The following IFIT2 variants were observed in gnomAD, a reference collection of about 807,000 sequenced individuals.
IFIT2 encodes the protein interferon induced protein with tetratricopeptide repeats 2, also known as interferon-induced protein with tetratricopeptide repeats 2.
A neutral mutation model predicts 2.5 loss-of-function variants in IFIT2; 3 were observed. That is an observed-to-expected ratio of 1.21 (90% CI 0.55 to 3.14). IFIT2 has a LOEUF of 3.14. IFIT2 is among the 30% of genes most tolerant of loss of function. IFIT2 has a pLI of 0.03. For missense variants in IFIT2, 493 were observed against 558.9 expected, an observed-to-expected ratio of 0.88 and a Z score of 1.19; for synonymous variants, 212 against 200.7, an observed-to-expected ratio of 1.06 and a Z score of -0.48.
chr10:89,305,498 T>G (rs1275254228), intron 1 of IFIT2, among the ~76,000 whole-genome samples: 1 of 152,058 alleles, frequency 6.6e-6, no homozygotes, highest in African/African-American at 2.4e-5. Context: ...GATGAGAAAT[T>G]AAAATCACCA....
In IFIT2 at chr10:89,306,282, G is replaced by A. The variant is rs770584027; in HGVS notation, c.326G>A (p.Arg109Gln). 19 of 1,613,966 alleles carry A rather than the reference G, an allele frequency of 1.2e-5. No individual in the cohort carries two copies. Among genetic ancestry groups the A allele is most frequent in the East Asian group, 1.1e-4 (5 of 44,890 alleles). The change falls in exon 2 of 2, where the codon CGA becomes CAA. Residue 109 changes from arginine to glutamine, a missense_variant. Physicochemically the swap from Arg to Gln is conservative, Grantham distance 43. Coordinates refer to ENST00000371826, the MANE Select transcript of IFIT2 (RefSeq NM_001547.5). ...GCCTGGGTCTACTATCACATGGGCC[G>A]ACTCTCAGACGTTCAGATTTATGTA... ...NYAWVYYHMGRLSDVQIYVDK... is the reference protein window; with the variant it reads ...NYAWVYYHMGQLSDVQIYVDK...
Position 89,306,389 on chromosome 10 carries a change from A to G in IFIT2, c.433A>G (p.Thr145Ala), listed in dbSNP as rs140575157. 8 of 1,614,164 alleles carry G rather than the reference A, an allele frequency of 5.0e-6. No individual in the cohort carries two copies. Among genetic ancestry groups the G allele is most frequent in the Non-Finnish European group, 6.8e-6 (8 of 1,180,022 alleles). The change falls in exon 2 of 2, where the codon ACA becomes GCA. Residue 145 changes from threonine to alanine, a missense_variant. Physicochemically the swap from Thr to Ala is moderately conservative, Grantham distance 58 (BLOSUM62 0). Transcript: ENST00000371826. ...SPELDCEEGW[T>A]RLKCGGNQNE... Reference sequence around the variant, plus strand: ...AGAGCTTGACTGTGAGGAAGGGTGGACACGGTTAAAGTGTGGAGGAAACCA... The same window carrying G: ...AGAGCTTGACTGTGAGGAAGGGTGGGCACGGTTAAAGTGTGGAGGAAACCA...
intron 1 of IFIT2, among the ~76,000 whole-genome samples, chr10:89,305,630 T>A (rs1299814769): frequency 6.6e-6 from 1 of 152,010 alleles, no homozygotes; most frequent in Non-Finnish European, 1.5e-5. Flanking sequence ...TAAAACTACA[T>A]AAATAAAACC....
rs1440366816 is a variant in IFIT2, at chr10:89,306,007, A to G, written c.51A>G (p.Lys17=). The G allele has an allele frequency of 2.5e-6, 4 of 1,613,952 alleles. No homozygotes were observed. Among genetic ancestry groups the G allele is most frequent in the Non-Finnish European group, 3.4e-6 (4 of 1,179,844 alleles). ...NSLESSLRQL[K]CHFTWNLMEG... ...TGGAGAGCAGCCTACGGCAACTAAA[A>G]TGCCATTTCACCTGGAACTTGATGG... Residue 17 remains lysine, a synonymous_variant, in exon 2 of 2, where the codon AAA becomes AAG. Coordinates refer to ENST00000371826, the MANE Select transcript of IFIT2 (RefSeq NM_001547.5).
At chr10:89,303,092 T>C (rs930549843) in intron 1 of IFIT2, among the ~76,000 whole-genome samples, 5 of 152,238 alleles carry the variant, frequency 3.3e-5, no homozygotes, top group Admixed American at 2.6e-4. Context: ...TTTTCTTATT[T>C]CTTAGAATTT....
Position 89,306,915 on chromosome 10 carries a change from T to C in IFIT2, c.959T>C (p.Val320Ala). Residue 320 changes from valine (V) to alanine (A), a missense_variant, in exon 2 of 2, where the codon GTG (valine) becomes GCG (alanine). Physicochemically the swap from Val to Ala is moderately conservative, Grantham distance 64. Coordinates refer to ENST00000371826, the MANE Select transcript of IFIT2 (RefSeq NM_001547.5). Reference protein sequence around the residue: ...RKLLELIGHAVAHLKKADEAN... With the variant: ...RKLLELIGHAAAHLKKADEAN... ...TTACTGGAACTAATAGGACACGCTGTGGCTCATCTGAAGAAAGCTGATGAG... is the reference window on the plus strand; with the variant it reads ...TTACTGGAACTAATAGGACACGCTGCGGCTCATCTGAAGAAAGCTGATGAG... The C allele has an allele frequency of 6.2e-7, 1 of 1,614,078 alleles. No homozygotes were observed. Among genetic ancestry groups the C allele is most frequent in the Non-Finnish European group, 8.5e-7 (1 of 1,179,972 alleles).
At position 89,307,344 on chromosome 10, in the gene IFIT2, T is replaced by C; in HGVS notation, c.1388T>C (p.Ile463Thr). Residue 463 changes from isoleucine to threonine, a missense_variant, in exon 2 of 2, where the codon ATC becomes ACC. Transcript: ENST00000371826. ...SERGLESGSL[I>T]PSASSWNGE ...AGGGGTTTGGAGTCTGGAAGCCTCA[T>C]CCCTTCAGCATCAAGCTGGAATGGG... 2.5e-6 allele frequency: 4 copies of C among 1,608,400 alleles called. No homozygotes were observed. Among genetic ancestry groups the C allele is most frequent in the Non-Finnish European group, 3.4e-6 (4 of 1,175,594 alleles).
chr10:89,304,338 T>C (rs763399994), intron 1 of IFIT2, among the ~76,000 whole-genome samples: 1 of 152,082 alleles, frequency 6.6e-6, no homozygotes, highest in Non-Finnish European at 1.5e-5. Flanking sequence ...GTTGAAAAGC[T>C]CATGTCCAAA....
chr10:89,302,405 G>A (rs1402161317), intron 1 of IFIT2, among the ~76,000 whole-genome samples: 1 of 152,198 alleles, frequency 6.6e-6, no homozygotes, highest in Non-Finnish European at 1.5e-5. Flanking sequence ...AGGCAGCAGA[G>A]AGGGATGATG....
In IFIT2 at chr10:89,306,136, A is replaced by T; in HGVS notation, c.180A>T (p.Leu60=). The change falls in exon 2 of 2, where the codon CTA becomes CTT. Residue 60 remains leucine, a synonymous_variant. Coordinates refer to ENST00000371826, the MANE Select transcript of IFIT2 (RefSeq NM_001547.5). ...KATMCNLLAY[L]KHLKGQNEAA... ...CAATGTGCAACCTACTGGCCTATCT[A>T]AAGCACCTCAAAGGGCAAAACGAGG... is the stretch of plus-strand genomic sequence containing the variant. 6.2e-7 allele frequency: 1 copy of T among 1,614,116 alleles called. No homozygotes were observed. The highest frequency in any genetic ancestry group is 8.5e-7 in the Non-Finnish European group (1 of 1,179,986).
At chr10:89,304,231 G>C (rs771692684) in intron 1 of IFIT2, among the ~76,000 whole-genome samples, 16 of 152,224 alleles carry the variant, frequency 1.1e-4, no homozygotes, top group Admixed American at 2.0e-4. Context: ...CAAAGAGCCA[G>C]GTTGTCTAAG....
intron 1 of IFIT2, among the ~76,000 whole-genome samples, chr10:89,304,579 G>A (rs1843466223): frequency 6.6e-6 from 1 of 152,056 alleles, no homozygotes; most frequent in African/African-American, 2.4e-5. Context: ...CCTGATACAA[G>A]GGTTGCTGTA....
chr10:89,303,009 C>CAA lies in IFIT2; in HGVS notation c.5+895_5+896dup, dbSNP rs11420925. 2.1e-3 allele frequency among the ~76,000 whole-genome samples: 283 copies of CAA among 132,220 alleles called. 1 individual carries two copies. Among genetic ancestry groups the CAA allele is most frequent in the Middle Eastern group, 0.012 (3 of 260 alleles). The allele number at this position is 132,220 out of a possible 152,430, so 86.7% of individuals were successfully genotyped here. ...CTAGTCTAAATGTTCTGCCTGATTT[C>CAA]AAAAAAAAAAAAAAAGATTTGAGAT... is the stretch of plus-strand genomic sequence containing the variant. On this transcript the variant is annotated intron_variant, in intron 1 of 1. Coordinates refer to ENST00000371826, the MANE Select transcript of IFIT2 (RefSeq NM_001547.5).
intron 1 of IFIT2, among the ~76,000 whole-genome samples, chr10:89,303,394 G>A (rs1843458414): frequency 6.6e-6 from 1 of 152,188 alleles, no homozygotes; most frequent in African/African-American, 2.4e-5. Flanking sequence ...CATTAGTTCT[G>A]AGCCTGGTTG....
rs1255823862 is a variant in IFIT2 at position 89,308,709 on chromosome 10, T to C, written c.*1334T>C. On this transcript the variant is annotated 3_prime_UTR_variant, in exon 2 of 2. Coordinates refer to ENST00000371826, the MANE Select transcript of IFIT2 (RefSeq NM_001547.5). ...CTGTTGGAATTAATTTAAGCTTAAGTATATATCAACATTATTTTATTGTGC... is the reference window on the plus strand; with the variant it reads ...CTGTTGGAATTAATTTAAGCTTAAGCATATATCAACATTATTTTATTGTGC... The C allele has an allele frequency of 1.3e-5, 2 of 152,206 alleles. No individual in the cohort carries two copies. The highest frequency in any genetic ancestry group is 4.8e-5 in the African/African-American group (2 of 41,444). 9.4% of individuals were successfully genotyped at this position (152,206 alleles called of 1,614,324 possible).
chr10:89,306,495 T>A lies in IFIT2; in HGVS notation c.539T>A (p.Ile180Lys). The A allele has an allele frequency of 1.2e-6, 2 of 1,614,056 alleles. No homozygotes were observed. Among genetic ancestry groups the A allele is most frequent in the Non-Finnish European group, 1.7e-6 (2 of 1,179,988 alleles). ...CCAGAATTCACCTCTGGACTGGCAA[T>A]AGCAAGCTACCGTCTGGACAACTGG... ...KNPEFTSGLA[I>K]ASYRLDNWPP... Residue 180 changes from isoleucine (I) to lysine (K), a missense_variant, in exon 2 of 2, where the codon ATA (isoleucine) becomes AAA (lysine). Coordinates refer to ENST00000371826, the MANE Select transcript of IFIT2 (RefSeq NM_001547.5).
Position 89,307,495 on chromosome 10 carries a change from C to A in IFIT2, c.*120C>A. The A allele has an allele frequency of 1.3e-6, 1 of 791,910 alleles. No homozygotes were observed. The highest frequency in any genetic ancestry group is 2.0e-6 in the Non-Finnish European group (1 of 500,412). 49.1% of individuals were successfully genotyped at this position (791,910 alleles called of 1,614,324 possible). A position where few individuals can be genotyped will look rare whatever the true frequency, so the allele number is the denominator to read the frequency against. On this transcript the variant is annotated 3_prime_UTR_variant, in exon 2 of 2. Coordinates refer to ENST00000371826, the MANE Select transcript of IFIT2 (RefSeq NM_001547.5). ...CAAAAGATTGGACTAAGACACTGGC[C>A]ATACCACTGGACAGGGTTATGTTAA... is the stretch of plus-strand genomic sequence containing the variant.
intron 1 of IFIT2, among the ~76,000 whole-genome samples, chr10:89,302,660 C>T (rs533321296): frequency 6.6e-6 from 1 of 152,298 alleles, no homozygotes; most frequent in South Asian, 2.1e-4. Context: ...GGCTGGTAAA[C>T]TTAAATATTT....
At position 89,306,587 on chromosome 10, in the gene IFIT2, C is replaced by G. The variant is rs373733464; in HGVS notation, c.631C>G (p.Leu211Val). ...AIRLNPDNQY[L>V]KVLLALKLHK... ...TCGGCTGAATCCTGACAACCAGTAC[C>G]TTAAAGTCCTCCTGGCTCTGAAGCT... The change falls in exon 2 of 2, where the codon CTT (leucine) becomes GTT (valine). Residue 211 changes from leucine (L) to valine (V), a missense_variant. Transcript: ENST00000371826. The G allele has an allele frequency of 6.2e-7, 1 of 1,613,964 alleles. No homozygotes were observed. Among genetic ancestry groups the G allele is most frequent in the African/African-American group, 1.3e-5 (1 of 74,908 alleles).
Sources: allele counts gnomAD v4.1 joint callset (sites outside exome capture counted in the v4.1 genomes callset), GRCh38; gene constraint gnomAD v4.1.1; transcripts MANE v1.5; gene names NCBI Gene and HGNC (gene_info 2026-07-23, HGNC 2026-07-21).